Variants in TRDN observed in about 807,000 individuals in gnomAD.
TRDN encodes triadin.
In TRDN, 161 loss-of-function variants were observed where a neutral mutation model predicts 149.7. That is an observed-to-expected ratio of 1.08 (90% CI 0.95 to 1.23). TRDN has a LOEUF of 1.23. Ranked by LOEUF, TRDN falls within the 50% of genes most tolerant of loss-of-function variation. The pLI, the probability that TRDN is intolerant of heterozygous loss-of-function variation, is 0.00. For missense variants in TRDN, 896 were observed against 823.5 expected (o/e 1.09, Z -1.08); for synonymous variants, 294 against 250.5 (o/e 1.17, Z -1.64).
intron 21 of TRDN, chr6:123,349,901 T>C (rs12195781): frequency 1.3e-5 from 13 of 985,162 alleles, no homozygotes; most frequent in Non-Finnish European, 1.4e-5. Context: ...CCTGGTGTTG[T>C]GACAACGTAA....
At chr6:123,274,107 C>T (rs1777293117) in intron 27 of TRDN, among the ~76,000 whole-genome samples, 2 of 152,034 alleles carry the variant, frequency 1.3e-5, no homozygotes, top group Admixed American at 6.6e-5. Flanking sequence ...TATTGAACTG[C>T]TTCTTCAGAT....
At chr6:123,239,604 CAT>C (rs1775913585) in intron 38 of TRDN, among the ~76,000 whole-genome samples, 2 of 151,976 alleles carry the variant, frequency 1.3e-5, no homozygotes, top group Admixed American at 6.6e-5. Context: ...CAGTAATTCT[CAT>C]AGGTTTAGAA....
chr6:123,631,768 T>C (rs1342187091), intron 1 of TRDN, among the ~76,000 whole-genome samples: 1 of 152,010 alleles, frequency 6.6e-6, no homozygotes, highest in Non-Finnish European at 1.5e-5. Flanking sequence ...GACAATATTA[T>C]AATGAAACTT....
chr6:123,379,184 T>C (rs1410691266), intron 16 of TRDN, among the ~76,000 whole-genome samples: 3 of 152,182 alleles, frequency 2.0e-5, no homozygotes, highest in African/African-American at 7.2e-5. Context: ...ACAAACTATA[T>C]TTTAAAAATA....
chr6:123,263,433 C>T (rs1776839557), intron 33 of TRDN, among the ~76,000 whole-genome samples: 1 of 151,990 alleles, frequency 6.6e-6, no homozygotes, highest in Non-Finnish European at 1.5e-5. Context: ...GCATCAAATG[C>T]CGATACAGAA....
chr6:123,226,021 C>T (rs1357673872), intron 38 of TRDN, among the ~76,000 whole-genome samples: 1 of 151,778 alleles, frequency 6.6e-6, no homozygotes, highest in East Asian at 1.9e-4. Flanking sequence ...AACAGGAAAG[C>T]AATGTGACCT....
intron 37 of TRDN, among the ~76,000 whole-genome samples, chr6:123,254,570 T>C (rs547247016): frequency 6.6e-6 from 1 of 152,134 alleles, no homozygotes; most frequent in South Asian, 2.1e-4. Flanking sequence ...TTATTTACAG[T>C]TTTATGATAA....
chr6:123,495,062 T>C (rs1314841383), intron 9 of TRDN, among the ~76,000 whole-genome samples: 1 of 151,940 alleles, frequency 6.6e-6, no homozygotes, highest in Admixed American at 6.6e-5. Context: ...ATTTATTTAT[T>C]TTGAGACAGG....
At chr6:123,308,847 G>GA (rs1778710624) in intron 24 of TRDN, among the ~76,000 whole-genome samples, 2 of 152,032 alleles carry the variant, frequency 1.3e-5, no homozygotes, top group Non-Finnish European at 2.9e-5. Context: ...TCACAGGCCT[G>GA]AAGGAATATG....
At chr6:123,363,507 T>G (rs747442952) in intron 20 of TRDN, among the ~76,000 whole-genome samples, 5 of 152,200 alleles carry the variant, frequency 3.3e-5, no homozygotes, top group Non-Finnish European at 5.9e-5. Context: ...AAACTCAATA[T>G]GTAGAATTAT....
chr6:123,573,901 A>G (rs999033651), intron 1 of TRDN, among the ~76,000 whole-genome samples: 3 of 152,050 alleles, frequency 2.0e-5, no homozygotes, highest in African/African-American at 7.2e-5. Flanking sequence ...GGAGAAAGAA[A>G]TAACACTGCC....
intron 2 of TRDN, among the ~76,000 whole-genome samples, chr6:123,555,703 G>T (rs1304103112): frequency 6.6e-6 from 1 of 151,986 alleles, no homozygotes; most frequent in African/African-American, 2.4e-5. Flanking sequence ...TTTTAAGAGA[G>T]GCTCATTTTT....
chr6:123,244,612 A>G (rs1041828091), intron 38 of TRDN, among the ~76,000 whole-genome samples: 2 of 152,166 alleles, frequency 1.3e-5, no homozygotes, highest in Admixed American at 1.3e-4. Flanking sequence ...GACCAAACCT[A>G]TGTTTAATTG....
intron 1 of TRDN, among the ~76,000 whole-genome samples, chr6:123,630,711 A>T (rs889015937): frequency 3.3e-5 from 5 of 152,004 alleles, no homozygotes; most frequent in African/African-American, 9.6e-5. Context: ...AAAAACTACA[A>T]GAAAAAGCTT....
chr6:123,353,212 A>T (rs1041089917), intron 20 of TRDN, among the ~76,000 whole-genome samples: 1 of 151,904 alleles, frequency 6.6e-6, no homozygotes, highest in Non-Finnish European at 1.5e-5. Flanking sequence ...GAAAGAATTG[A>T]TTCAAGAAAA....
intron 38 of TRDN, among the ~76,000 whole-genome samples, chr6:123,249,330 T>C (rs1776296051): frequency 6.6e-6 from 1 of 152,134 alleles, no homozygotes; most frequent in African/African-American, 2.4e-5. Flanking sequence ...ACACTGTTGG[T>C]TGGAATGTAA....
chr6:123,286,516 G>A (rs1167845265), intron 24 of TRDN, among the ~76,000 whole-genome samples: 1 of 151,870 alleles, frequency 6.6e-6, no homozygotes, highest in Non-Finnish European at 1.5e-5. Context: ...TGCATTTTGG[G>A]GACCAGTTTG....
At chr6:123,246,916 G>C (rs1479916571) in intron 38 of TRDN, among the ~76,000 whole-genome samples, 3 of 152,104 alleles carry the variant, frequency 2.0e-5, no homozygotes. Context: ...GATCAAGTTG[G>C]CTTCATCCCT....
At chr6:123,316,387 C>T (rs1779021874) in intron 24 of TRDN, 70 bp downstream of exon 24, 2 of 1,447,062 alleles carry the variant, frequency 1.4e-6, no homozygotes, top group African/African-American at 1.4e-5. Context: ...GATTGTAAAA[C>T]TGTAAAACTA....
Sources: gnomAD v4.1 joint callset for allele counts (sites outside exome capture counted in the v4.1 genomes callset) on GRCh38, gnomAD v4.1.1 for gene constraint, MANE v1.5 for transcripts, NCBI Gene and HGNC (gene_info 2026-07-23, HGNC 2026-07-21) for gene names.